Variants in MYO5A observed in about 807,000 individuals in gnomAD.
The protein encoded by MYO5A is myosin VA, also known as unconventional myosin-Va.
A neutral mutation model predicts 249.7 loss-of-function variants in MYO5A; 98 were observed. The observed-to-expected ratio is 0.39, with a 90% CI of 0.33 to 0.46. The LOEUF is 0.46. MYO5A is among the 20% of genes least tolerant of loss of function. MYO5A has a pLI of 0.98. For synonymous variants in MYO5A, 778 were observed against 810.6 expected (o/e 0.96, Z 0.68); for missense variants, 1,696 against 2,308.8 (o/e 0.73, Z 5.44).
intron 1 of MYO5A, among the ~76,000 whole-genome samples, chr15:52,503,029 T>C (rs532412221): frequency 6.6e-6 from 1 of 152,176 alleles, no homozygotes; most frequent in Admixed American, 6.5e-5. Flanking sequence ...CCAGGCAAGG[T>C]AGCAGGGACG....
intron 30 of MYO5A, among the ~76,000 whole-genome samples, chr15:52,344,453 C>T (rs2039521841): frequency 6.6e-6 from 1 of 152,186 alleles, no homozygotes; most frequent in Non-Finnish European, 1.5e-5. Flanking sequence ...CACGGAGTCA[C>T]CTTCAGGCTT....
chr15:52,524,614 C>T (rs1450252461), intron 1 of MYO5A, among the ~76,000 whole-genome samples: 2 of 151,556 alleles, frequency 1.3e-5, no homozygotes, highest in Non-Finnish European at 2.9e-5. Context: ...TGTGGTGGCT[C>T]ATGCCTGTAA....
At chr15:52,378,448 G>A (rs998290349) in intron 18 of MYO5A, among the ~76,000 whole-genome samples, 3 of 142,498 alleles carry the variant, frequency 2.1e-5, no homozygotes, top group Non-Finnish European at 3.0e-5. Flanking sequence ...TTGAACCCAC[G>A]AGGCGGAGGT....
chr15:52,410,639 T>C (rs980898786), intron 5 of MYO5A, among the ~76,000 whole-genome samples, 163 bp from the exon 6 acceptor site: 6 of 147,456 alleles, frequency 4.1e-5, no homozygotes, highest in Middle Eastern at 3.6e-3. Context: ...TAGGCTGGAG[T>C]GCAGTGGCAC....
chr15:52,330,239 T>C, intron 35 of MYO5A, 114 bp downstream of exon 35: 3 of 1,360,080 alleles, frequency 2.2e-6, no homozygotes, highest in Admixed American at 1.7e-5. Context: ...ATACATGGTA[T>C]CTGATGATGA....
At chr15:52,316,967 T>C in intron 40 of MYO5A, 81 bp downstream of exon 40, 3 of 1,421,390 alleles carry the variant, frequency 2.1e-6, no homozygotes, top group East Asian at 2.3e-5. Flanking sequence ...ATACAAGCAA[T>C]AAGTAGAGGA....
chr15:52,402,384 A>G (rs2042800124), intron 9 of MYO5A, among the ~76,000 whole-genome samples: 1 of 152,142 alleles, frequency 6.6e-6, no homozygotes, highest in Admixed American at 6.5e-5. Flanking sequence ...TTAGGGTCTC[A>G]GCTTTAGGCA....
chr15:52,489,002 CCTTAA>C (rs771297077), intron 1 of MYO5A, among the ~76,000 whole-genome samples: 2 of 152,306 alleles, frequency 1.3e-5, no homozygotes, highest in African/African-American at 2.4e-5. Context: ...AAATTTAGAA[CCTTAA>C]CTTATCTTCT....
chr15:52,377,799 G>A (rs888319560), intron 18 of MYO5A, among the ~76,000 whole-genome samples: 113 of 152,082 alleles, frequency 7.4e-4, no homozygotes, highest in African/African-American at 2.6e-3. Context: ...TCAAACGCTG[G>A]GCCTCAAGCA....
chr15:52,337,682 G>A, intron 33 of MYO5A, 128 bp downstream of exon 33: 1 of 609,878 alleles, frequency 1.6e-6, no homozygotes. Context: ...CAGCTGTGGG[G>A]AGAAACAGGT....
chr15:52,483,072 T>G (rs754924273), intron 1 of MYO5A, among the ~76,000 whole-genome samples: 2 of 152,160 alleles, frequency 1.3e-5, no homozygotes, highest in Non-Finnish European at 2.9e-5. Context: ...TGGAAGCCCA[T>G]GAGTAGGAAT....
At chr15:52,409,594 T>C (rs1451714733) in intron 6 of MYO5A, among the ~76,000 whole-genome samples, 2 of 152,160 alleles carry the variant, frequency 1.3e-5, no homozygotes, top group Non-Finnish European at 2.9e-5. Context: ...CACTGTTACA[T>C]GGCAGTGTCA....
At chr15:52,490,785 G>A (rs1262482672) in intron 1 of MYO5A, among the ~76,000 whole-genome samples, 1 of 152,078 alleles carries the variant, frequency 6.6e-6, no homozygotes, top group East Asian at 1.9e-4. Context: ...GTGGTGTGAT[G>A]ATCACAGCTC....
intron 1 of MYO5A, among the ~76,000 whole-genome samples, chr15:52,500,491 C>T (rs2077133158): frequency 1.3e-5 from 2 of 152,148 alleles, no homozygotes; most frequent in Middle Eastern, 6.8e-3. Context: ...GGATTACAGG[C>T]GTGCGCCACC....
rs140885351 is a variant in MYO5A, at chr15:52,514,745, T to C, written c.27+14035A>G. Reference sequence around the variant, plus strand: ...CTGTCACAGACCTACTGAGTCAGAATCTTCCCTTTAACAAGATTCCTAGTA... The same window carrying C: ...CTGTCACAGACCTACTGAGTCAGAACCTTCCCTTTAACAAGATTCCTAGTA... On this transcript the variant is annotated intron_variant, in intron 1 of 41. Coordinates refer to ENST00000399233, the MANE Select transcript of MYO5A (RefSeq NM_001382347.1). Among the ~76,000 whole-genome samples, 85 of 152,286 alleles carry C rather than the reference T, an allele frequency of 5.6e-4. 1 individual carries two copies. The highest frequency in any genetic ancestry group is 1.8e-3 in the African/African-American group (74 of 41,550).
chr15:52,331,010 T>C (rs1449391944), intron 34 of MYO5A, among the ~76,000 whole-genome samples: 1 of 152,190 alleles, frequency 6.6e-6, no homozygotes, highest in African/African-American at 2.4e-5. Context: ...TTACAATCAA[T>C]TCAAAACACA....
chr15:52,390,072 G>A (rs2141159374), intron 12 of MYO5A, among the ~76,000 whole-genome samples: 1 of 152,178 alleles, frequency 6.6e-6, no homozygotes, highest in South Asian at 2.1e-4. Context: ...ATTTATTTGT[G>A]GGATCTAAAA....
intron 19 of MYO5A, 113 bp from the exon 20 acceptor site, chr15:52,375,573 T>A (rs945233155): frequency 1.3e-5 from 14 of 1,088,620 alleles, no homozygotes; most frequent in Non-Finnish European, 1.8e-5. Context: ...ACCTCCATTG[T>A]ATTATTCTAA....
intron 34 of MYO5A, among the ~76,000 whole-genome samples, chr15:52,333,748 T>C (rs1370685500): frequency 6.6e-6 from 1 of 152,194 alleles, no homozygotes; most frequent in South Asian, 2.1e-4. Context: ...ATGTAGCTTG[T>C]AGGAGGAGGC....
Sources: gnomAD v4.1 joint callset for allele counts (sites outside exome capture counted in the v4.1 genomes callset) on GRCh38, gnomAD v4.1.1 for gene constraint, MANE v1.5 for transcripts, NCBI Gene and HGNC (gene_info 2026-07-23, HGNC 2026-07-21) for gene names.